Variants in NCOA7 observed in about 807,000 individuals in gnomAD.
The protein encoded by NCOA7 is nuclear receptor coactivator 7.
Under a neutral mutation model 104.3 loss-of-function variants are expected in NCOA7, and 45 were observed. That is an observed-to-expected ratio of 0.43 (90% confidence interval 0.34 to 0.55). The LOEUF is 0.55. Ranked by LOEUF, NCOA7 falls within the 20% of genes least tolerant of loss-of-function variation. The pLI, the probability that NCOA7 is intolerant of heterozygous loss-of-function variation, is 0.02. For synonymous variants in NCOA7, 398 were observed against 402.3 expected, an observed-to-expected ratio of 0.99 and a Z score of 0.13; for missense variants, 1,041 against 1,119.7, an observed-to-expected ratio of 0.93 and a Z score of 1.00.
At chr6:125,858,406 T>G (rs1781767239) in intron 3 of NCOA7, among the ~76,000 whole-genome samples, 1 of 151,900 alleles carries the variant, frequency 6.6e-6, no homozygotes, top group African/African-American at 2.4e-5. Context: ...TTTGGGAGGC[T>G]AAGGTTAGGA....
intron 1 of NCOA7, chr6:125,797,777 C>T (rs1293107402): frequency 1.3e-5 from 2 of 152,234 alleles, no homozygotes; most frequent in Non-Finnish European, 2.9e-5. Flanking sequence ...GCTGAGCCCT[C>T]ATCCCTAGTT....
chr6:125,926,487 A>G (rs1788046206), intron 13 of NCOA7, among the ~76,000 whole-genome samples: 1 of 152,304 alleles, frequency 6.6e-6, no homozygotes, highest in Non-Finnish European at 1.5e-5. Flanking sequence ...TTAAAAATAG[A>G]TGCCTATTTT....
intron 1 of NCOA7, among the ~76,000 whole-genome samples, chr6:125,785,857 C>A (rs201311006): frequency 6.6e-6 from 1 of 152,144 alleles, no homozygotes; most frequent in Non-Finnish European, 1.5e-5. Flanking sequence ...GACAGCTATG[C>A]GGACAACAAT....
chr6:125,915,546 A>T, intron 11 of NCOA7, 66 bp downstream of exon 11: 1 of 1,588,404 alleles, frequency 6.3e-7, no homozygotes, highest in Non-Finnish European at 8.6e-7. Flanking sequence ...TCGCATTCAG[A>T]TTCCATGTAA....
chr6:125,848,900 G>A (rs1209970295), intron 2 of NCOA7, among the ~76,000 whole-genome samples: 1 of 152,152 alleles, frequency 6.6e-6, no homozygotes, highest in Non-Finnish European at 1.5e-5. Context: ...CTGCTAATCA[G>A]AGAAAGCTGT....
At chr6:125,878,401 GA>G (rs1386158244) in intron 5 of NCOA7, 31 bp downstream of exon 5, 1 of 1,491,954 alleles carries the variant, frequency 6.7e-7, no homozygotes, top group Non-Finnish European at 9.2e-7. Flanking sequence ...TATAACTCTA[GA>G]AATTCTGCAT....
At chr6:125,926,426 C>A (rs1438089719) in intron 13 of NCOA7, among the ~76,000 whole-genome samples, 1 of 152,076 alleles carries the variant, frequency 6.6e-6, no homozygotes, top group Non-Finnish European at 1.5e-5. Flanking sequence ...AGAGGGAACT[C>A]ATTTTCTTCC....
intron 1 of NCOA7, among the ~76,000 whole-genome samples, chr6:125,813,221 G>A (rs1317663000): frequency 1.3e-5 from 2 of 152,162 alleles, no homozygotes; most frequent in African/African-American, 2.4e-5. Flanking sequence ...TTCAGCATGA[G>A]CAATTGATGG....
At chr6:125,880,275 GGAGTTA>G (rs1197097153) in intron 5 of NCOA7, among the ~76,000 whole-genome samples, 18 of 152,104 alleles carry the variant, frequency 1.2e-4, no homozygotes, top group African/African-American at 4.3e-4. Flanking sequence ...GAGCCTGCTT[GGAGTTA>G]GCAAGCTGGG....
intron 2 of NCOA7, among the ~76,000 whole-genome samples, chr6:125,826,052 G>A (rs184939733): frequency 5.3e-5 from 8 of 152,198 alleles, no homozygotes; most frequent in Admixed American, 2.0e-4. Flanking sequence ...TTGGCTGAGC[G>A]CAGTGGGTCA....
chr6:125,889,322 C>T lies in NCOA7; in HGVS notation c.1268C>T (p.Ser423Phe), dbSNP rs1028669371. The T allele has an allele frequency of 3.1e-6, 5 of 1,614,152 alleles. No individual in the cohort carries two copies. In the Admixed American group the frequency reaches 8.3e-5, roughly 27 times the overall value. The change falls in exon 9 of 16, where the codon TCT (serine) becomes TTT (phenylalanine). Residue 423 changes from serine to phenylalanine, a missense_variant. Coordinates refer to ENST00000392477, the MANE Select transcript of NCOA7 (RefSeq NM_181782.5). ...DDDFVDLEEL[S>F]SQTGGGMHKK... is the part of the protein sequence containing the mutation. Reference sequence around the variant, plus strand: ...GATTTTGTTGACTTGGAAGAACTTTCTTCTCAAACTGGTGGTGGAATGCAC... The same window carrying T: ...GATTTTGTTGACTTGGAAGAACTTTTTTCTCAAACTGGTGGTGGAATGCAC...
intron 2 of NCOA7, among the ~76,000 whole-genome samples, chr6:125,831,776 G>T (rs1011558775): frequency 6.6e-6 from 1 of 152,168 alleles, no homozygotes; most frequent in East Asian, 1.9e-4. Flanking sequence ...TAATTTTCTC[G>T]TTAGTTTTCC....
chr6:125,834,792 T>A (rs1779477552), intron 2 of NCOA7, among the ~76,000 whole-genome samples: 1 of 152,208 alleles, frequency 6.6e-6, no homozygotes, highest in Non-Finnish European at 1.5e-5. Flanking sequence ...CAGTTACAAG[T>A]TGATTTTTAA....
intron 2 of NCOA7, among the ~76,000 whole-genome samples, chr6:125,835,602 C>G (rs1157004020): frequency 6.6e-6 from 1 of 152,188 alleles, no homozygotes; most frequent in Non-Finnish European, 1.5e-5. Context: ...GCAGGCAAAG[C>G]AAATGCTTGC....
At chr6:125,872,988 T>C (rs1192015288) in intron 3 of NCOA7, among the ~76,000 whole-genome samples, 3 of 152,204 alleles carry the variant, frequency 2.0e-5, no homozygotes, top group Non-Finnish European at 4.4e-5. Flanking sequence ...TTTAAATTTA[T>C]TTTTTCCTCG....
In NCOA7 at chr6:125,855,214, C is replaced by T. The variant is rs768462504; in HGVS notation, c.245C>T (p.Thr82Ile). The change falls in exon 3 of 16, where the codon ACA becomes ATA. Residue 82 changes from threonine to isoleucine, a missense_variant. Around this residue, in one of 2 missense-constraint regions of NCOA7, gnomAD observed 914 missense variants for 942.7 expected, o/e 0.97. Coordinates refer to ENST00000392477, the MANE Select transcript of NCOA7 (RefSeq NM_181782.5). ...KSNQLKEIRR[T>I]ELKRYYSIDD... ...AATCAGTTAAAGGAGATCAGGCGTA[C>T]AGAACTAAAGAGATATTATAGTATT... 1.6e-5 allele frequency: 26 copies of T among 1,611,196 alleles called. No homozygotes were observed. The highest frequency in any genetic ancestry group is 2.2e-5 in the Non-Finnish European group (26 of 1,179,008).
intron 10 of NCOA7, among the ~76,000 whole-genome samples, chr6:125,897,922 G>A (rs1023638308): frequency 7.2e-5 from 11 of 152,076 alleles, no homozygotes; most frequent in African/African-American, 2.4e-4. Flanking sequence ...CAAGTGATCC[G>A]CCTGCCTCGG....
Position 125,889,901 on chromosome 6 carries a change from A to G in NCOA7, c.1847A>G (p.Asn616Ser). Residue 616 changes from asparagine to serine, a missense_variant, in exon 9 of 16, where the codon AAC becomes AGC. Transcript: ENST00000392477. ...TCCTCTTTGGAATCTACTCTGGACA[A>G]CAGCTGTCAAGGTGCACAAATGGAT... The part of the protein sequence containing the change: ...LDSSLESTLD[N>S]SCQGAQMDNK... 3 of 1,603,830 alleles carry G rather than the reference A, an allele frequency of 1.9e-6. No individual in the cohort carries two copies. Among genetic ancestry groups the G allele is most frequent in the Admixed American group, 1.7e-5 (1 of 57,564 alleles).
Position 125,878,276 on chromosome 6 carries a change from A to G in NCOA7, c.365A>G (p.Asp122Gly), listed in dbSNP as rs1562963355. The change falls in exon 5 of 16, where the codon GAC becomes GGC. Residue 122 changes from aspartate to glycine, a missense_variant. Around this residue, in one of 2 missense-constraint regions of NCOA7, gnomAD observed 914 missense variants for 942.7 expected, o/e 0.97. Coordinates refer to ENST00000392477, the MANE Select transcript of NCOA7 (RefSeq NM_181782.5). ...TGATTATTCTAGGCTGGAAACCAGG[A>G]CACCCTAAACTCCATAGCACTGAAA... ...GTMEYTAGNQ[D>G]TLNSIALKFN... is the part of the protein sequence containing the mutation. 2 of 1,608,810 alleles carry G rather than the reference A, an allele frequency of 1.2e-6. No individual in the cohort carries two copies. Among genetic ancestry groups the G allele is most frequent in the Non-Finnish European group, 1.7e-6 (2 of 1,177,994 alleles).
Sources: gnomAD v4.1 joint callset for allele counts (sites outside exome capture counted in the v4.1 genomes callset) on GRCh38, gnomAD v4.1.1 for gene constraint, gnomAD v4.1.1 regional missense constraint, MANE v1.5 for transcripts, NCBI Gene and HGNC (gene_info 2026-07-23, HGNC 2026-07-21) for gene names.